SGCZ: variants seen among roughly 807,000 people sequenced by gnomAD.
SGCZ encodes the protein zeta-sarcoglycan.
Under a neutral mutation model 41.3 loss-of-function variants are expected in SGCZ, and 40 were observed. That is an observed-to-expected ratio of 0.97 (90% CI 0.75 to 1.26). SGCZ has a LOEUF of 1.26. Ranked by LOEUF, SGCZ falls within the 50% of genes most tolerant of loss-of-function variation. The probability of loss-of-function intolerance (pLI) is 0.00; values close to 1 mark genes in which losing one functional copy is unlikely to be tolerated. For missense variants in SGCZ, 552 were observed against 369.8 expected, an observed-to-expected ratio of 1.49 and a Z score of -4.04; for synonymous variants, 206 against 137.5, an observed-to-expected ratio of 1.50 and a Z score of -3.49.
intron 1 of SGCZ, among the ~76,000 whole-genome samples, chr8:15,035,205 A>G (rs1279330848): frequency 6.6e-6 from 1 of 152,130 alleles, no homozygotes; most frequent in Non-Finnish European, 1.5e-5. Flanking sequence ...AAAATTTAAA[A>G]TGTTGAGGGA....
chr8:14,740,521 A>G (rs1799170977), intron 1 of SGCZ, among the ~76,000 whole-genome samples: 1 of 152,058 alleles, frequency 6.6e-6, no homozygotes, highest in South Asian at 2.1e-4. Context: ...TGGCAAAATA[A>G]CGTACTATGA....
At chr8:15,051,670 A>G (rs567438429) in intron 1 of SGCZ, among the ~76,000 whole-genome samples, 54 of 152,222 alleles carry the variant, frequency 3.5e-4, no homozygotes, top group African/African-American at 1.2e-3. Flanking sequence ...TGGTGTTACC[A>G]TTTTTTAAAA....
chr8:14,197,222 C>A (rs1414577925), intron 4 of SGCZ, among the ~76,000 whole-genome samples: 1 of 152,036 alleles, frequency 6.6e-6, no homozygotes, highest in African/African-American at 2.4e-5. Context: ...AATATTTAAG[C>A]AAAAAATAAT....
chr8:14,170,541 A>G (rs1157733399), intron 4 of SGCZ, among the ~76,000 whole-genome samples: 1 of 152,148 alleles, frequency 6.6e-6, no homozygotes, highest in Non-Finnish European at 1.5e-5. Context: ...TAAGGTAAAA[A>G]TGATCTCTCT....
At chr8:14,145,682 A>G (rs758705542) in intron 5 of SGCZ, among the ~76,000 whole-genome samples, 3 of 152,240 alleles carry the variant, frequency 2.0e-5, no homozygotes, top group African/African-American at 2.4e-5. Context: ...TATGTTGAGA[A>G]AATTCAAAGA....
At chr8:14,452,068 G>A (rs1338086999) in intron 2 of SGCZ, among the ~76,000 whole-genome samples, 1 of 152,030 alleles carries the variant, frequency 6.6e-6, no homozygotes, top group African/African-American at 2.4e-5. Context: ...GCCAAAACTT[G>A]GAAATAATCA....
chr8:14,446,336 C>A (rs1227036824), intron 2 of SGCZ, among the ~76,000 whole-genome samples: 1 of 152,172 alleles, frequency 6.6e-6, no homozygotes, highest in Non-Finnish European at 1.5e-5. Flanking sequence ...TGTCAGTGAG[C>A]TTTCTTTCAA....
In SGCZ at chr8:14,813,333, A is replaced by C. The variant is rs148516702; in HGVS notation, c.40-258407T>G. On this transcript the variant is annotated intron_variant, in intron 1 of 7. Coordinates refer to ENST00000382080, the MANE Select transcript of SGCZ (RefSeq NM_139167.4). ...CTCTATTTTAAGAGTTAGAAAAATAAATCTGAATGTTAATTGACCCACTTA... is the reference window on the plus strand; with the variant it reads ...CTCTATTTTAAGAGTTAGAAAAATACATCTGAATGTTAATTGACCCACTTA... Among the ~76,000 whole-genome samples, 78 of 152,284 alleles carry C rather than the reference A, an allele frequency of 5.1e-4. No individual in the cohort carries two copies. In the East Asian group the frequency reaches 0.013, roughly 25 times the overall value.
chr8:14,177,579 G>A (rs1038920068), intron 4 of SGCZ, among the ~76,000 whole-genome samples: 1 of 152,078 alleles, frequency 6.6e-6, no homozygotes, highest in African/African-American at 2.4e-5. Context: ...GCGCCATCTG[G>A]GCTCACTGCA....
intron 3 of SGCZ, among the ~76,000 whole-genome samples, chr8:14,289,856 A>C (rs577528698): frequency 6.6e-6 from 1 of 152,158 alleles, no homozygotes; most frequent in South Asian, 2.1e-4. Context: ...AAAGAGGTTT[A>C]ATTGACTTAC....
At chr8:14,440,922 T>C (rs1372949592) in intron 2 of SGCZ, among the ~76,000 whole-genome samples, 1 of 151,860 alleles carries the variant, frequency 6.6e-6, no homozygotes, top group African/African-American at 2.4e-5. Context: ...TTTCATTAGA[T>C]CTCCTGTTAG....
At chr8:15,164,654 T>TTA (rs1394105574) in intron 1 of SGCZ, among the ~76,000 whole-genome samples, 1 of 151,604 alleles carries the variant, frequency 6.6e-6, no homozygotes, top group African/African-American at 2.4e-5. Context: ...TTTTTTTTTT[T>TTA]AAGAAGACAT....
chr8:14,498,771 A>T (rs1802064811), intron 2 of SGCZ, among the ~76,000 whole-genome samples: 1 of 152,082 alleles, frequency 6.6e-6, no homozygotes, highest in Non-Finnish European at 1.5e-5. Flanking sequence ...CTGTGGCTAA[A>T]AATTAAAAAC....
intron 1 of SGCZ, among the ~76,000 whole-genome samples, chr8:14,958,111 A>C (rs1342718327): frequency 6.6e-6 from 1 of 152,096 alleles, no homozygotes; most frequent in Admixed American, 6.5e-5. Flanking sequence ...TGTTGGGTAG[A>C]ACCAGTAGGG....
chr8:14,337,451 G>T (rs181593264), intron 2 of SGCZ, among the ~76,000 whole-genome samples: 1 of 152,100 alleles, frequency 6.6e-6, no homozygotes, highest in East Asian at 1.9e-4. Context: ...ATTAGATTTT[G>T]AGTACTCTCC....
intron 7 of SGCZ, among the ~76,000 whole-genome samples, chr8:14,100,520 A>C (rs1240887349): frequency 1.4e-5 from 2 of 138,130 alleles, no homozygotes; most frequent in Non-Finnish European, 1.6e-5. Flanking sequence ...AATATATTAT[A>C]TTAATATATT....
intron 2 of SGCZ, among the ~76,000 whole-genome samples, chr8:14,502,184 T>C (rs947671670): frequency 3.9e-5 from 6 of 152,096 alleles, no homozygotes; most frequent in African/African-American, 1.4e-4. Context: ...CCTTGTATTC[T>C]TGTGAAGCAT....
At chr8:15,200,435 T>C (rs1266322228) in intron 1 of SGCZ, among the ~76,000 whole-genome samples, 2 of 152,106 alleles carry the variant, frequency 1.3e-5, no homozygotes, top group South Asian at 4.1e-4. Context: ...ACTGTGAAGA[T>C]AAAAGTAGAC....
At chr8:15,068,933 C>T (rs1805252234) in intron 1 of SGCZ, among the ~76,000 whole-genome samples, 1 of 152,176 alleles carries the variant, frequency 6.6e-6, no homozygotes, top group Admixed American at 6.5e-5. Flanking sequence ...AATGTTAGCA[C>T]TTCCATTTTT....
Sources: gnomAD v4.1 joint callset for allele counts (sites outside exome capture counted in the v4.1 genomes callset) on GRCh38, gnomAD v4.1.1 for gene constraint, MANE v1.5 for transcripts, NCBI Gene and HGNC (gene_info 2026-07-23, HGNC 2026-07-21) for gene names.